The following LMX1B variants were observed in gnomAD, a reference collection of about 807,000 sequenced individuals.
LMX1B encodes LIM homeobox transcription factor 1-beta.
In LMX1B, 12 loss-of-function variants were observed where a neutral mutation model predicts 51.4. The ratio of observed to expected loss-of-function variants is 0.23; its 90% confidence interval spans 0.15 to 0.38. The LOEUF (loss-of-function observed/expected upper bound fraction) is 0.38. Among genes scored for constraint, LMX1B ranks in the 10% least tolerant of loss-of-function variants. The pLI, the probability that LMX1B is intolerant of heterozygous loss-of-function variation, is 1.00. For missense variants in LMX1B, 445 were observed against 571.1 expected (o/e 0.78, Z 2.25); for synonymous variants, 237 against 235.4 (o/e 1.01, Z -0.06).
At chr9:126,664,720 C>G (rs1189595893) in intron 2 of LMX1B, among the ~76,000 whole-genome samples, 3 of 152,076 alleles carry the variant, frequency 2.0e-5, no homozygotes, top group African/African-American at 7.2e-5. Flanking sequence ...CTAAAAAATA[C>G]AAAAATTAGC....
rs1835337388 is a variant in LMX1B, at chr9:126,618,104, A to G, written c.326+2535A>G. The stretch of plus-strand genomic sequence containing the variant: ...GCATATTTATTTCATCTGTGCGTAA[A>G]TGCTTTTCAGACAGGAATCCAAGCA... On this transcript the variant is annotated intron_variant, in intron 2 of 7. Transcript: ENST00000373474. This position sits in a 1 kb window ranked among gnomAD's most constrained non-coding sequence, Gnocchi z 4.5. Among the ~76,000 whole-genome samples the G allele has an allele frequency of 6.6e-6, 1 of 152,112 alleles. No homozygotes were observed.
chr9:126,672,138 C>A (rs1244935192), intron 2 of LMX1B, among the ~76,000 whole-genome samples: 1 of 152,266 alleles, frequency 6.6e-6, no homozygotes, highest in Non-Finnish European at 1.5e-5. Flanking sequence ...GGGTTCAAAT[C>A]CCTTGGGCCT....
At position 126,696,017 on chromosome 9, in the gene LMX1B, C is replaced by CCGGG. The variant is rs2118997675; in HGVS notation, c.1051+15_1051+16insGGGC. The CCGGG allele has an allele frequency of 1.3e-6, 2 of 1,497,322 alleles. No homozygotes were observed. The highest frequency in any genetic ancestry group is 1.3e-5 in the South Asian group (1 of 76,146). 92.8% of individuals were successfully genotyped at this position (1,497,322 alleles called of 1,614,324 possible). A position where few individuals can be genotyped will look rare whatever the true frequency, so the allele number is the denominator to read the frequency against. ...TGAACCCCTATGGTAAGCCGCCCTA[C>CCGGG]CCCCACCCGCCCGCCCCAGCACAGC... On this transcript the variant is annotated intron_variant, in intron 7 of 7. Transcript: ENST00000373474.
chr9:126,669,241 C>T (rs1019964363), intron 2 of LMX1B, among the ~76,000 whole-genome samples: 1 of 151,624 alleles, frequency 6.6e-6, no homozygotes, highest in Non-Finnish European at 1.5e-5. Flanking sequence ...GGCCTGGCCG[C>T]GAGGAGGGTG....
intron 2 of LMX1B, among the ~76,000 whole-genome samples, chr9:126,643,286 G>A (rs932111361): frequency 5.3e-5 from 8 of 152,136 alleles, no homozygotes; most frequent in African/African-American, 1.9e-4. Context: ...CAGGGCCTCT[G>A]TCTGCCCCTG....
rs932828308 is a variant in LMX1B at position 126,652,299 on chromosome 9, G to GGC, written c.326+36731_326+36732insCG. Among the ~76,000 whole-genome samples the GGC allele has an allele frequency of 5.3e-5, 8 of 150,612 alleles. No homozygotes were observed. In the East Asian group the frequency reaches 8.0e-4, roughly 15 times the overall value. On this transcript the variant is annotated intron_variant, in intron 2 of 7. Coordinates refer to ENST00000373474, the MANE Select transcript of LMX1B (RefSeq NM_001174147.2). ...CAGCAGGAGTCTGAGGAGGAGAAGG[G>GGC]GGGGGGGATTTTCTCTTTCTTCCCG...
intron 2 of LMX1B, among the ~76,000 whole-genome samples, chr9:126,631,571 T>G (rs1365691966): frequency 2.8e-5 from 4 of 144,260 alleles, no homozygotes; most frequent in Admixed American, 6.8e-5. Context: ...AGTGGGTGGG[T>G]GGGGTGAGGT....
chr9:126,682,047 C>T lies in LMX1B; in HGVS notation c.327-8789C>T, dbSNP rs1588299729. ...CCCCATCACTCATCTGCTCCAGCCACACCCCAGATACTTGCAGATACTTGG... is the reference window on the plus strand; with the variant it reads ...CCCCATCACTCATCTGCTCCAGCCATACCCCAGATACTTGCAGATACTTGG... On this transcript the variant is annotated intron_variant, in intron 2 of 7. Coordinates refer to ENST00000373474, the MANE Select transcript of LMX1B (RefSeq NM_001174147.2). Among the ~76,000 whole-genome samples, 2 of 143,832 alleles carry T rather than the reference C, an allele frequency of 1.4e-5. 1 individual carries two copies. The highest frequency in any genetic ancestry group is 4.5e-4 in the South Asian group (2 of 4,468). The allele number at this position is 143,832 out of a possible 152,430, so 94.4% of individuals were successfully genotyped here. A position where few individuals can be genotyped will look rare whatever the true frequency, so the allele number is the denominator to read the frequency against.
intron 2 of LMX1B, among the ~76,000 whole-genome samples, chr9:126,656,435 A>C (rs1233406982): frequency 6.8e-6 from 1 of 146,756 alleles, no homozygotes; most frequent in Non-Finnish European, 1.5e-5. Flanking sequence ...AGATAGATAG[A>C]TAGGATAGAT....
chr9:126,683,477 C>T (rs1039681342), intron 2 of LMX1B, among the ~76,000 whole-genome samples: 2 of 152,144 alleles, frequency 1.3e-5, no homozygotes, highest in Admixed American at 6.5e-5. Flanking sequence ...GGAGGCCGGG[C>T]GGCTCCCTCT....
At chr9:126,684,980 G>A (rs1038058090) in intron 2 of LMX1B, among the ~76,000 whole-genome samples, 2 of 152,150 alleles carry the variant, frequency 1.3e-5, no homozygotes, top group Non-Finnish European at 2.9e-5. Flanking sequence ...GTGCTAGCTG[G>A]CTGCCCATTT....
At chr9:126,637,946 C>T (rs1269582732) in intron 2 of LMX1B, among the ~76,000 whole-genome samples, 2 of 151,960 alleles carry the variant, frequency 1.3e-5, no homozygotes, top group East Asian at 3.9e-4. Flanking sequence ...CCCAGGGCCC[C>T]CTCCGACCAT....
At position 126,696,533 on chromosome 9, in the gene LMX1B, C is replaced by G; in HGVS notation, c.*82C>G. The G allele has an allele frequency of 1.3e-6, 2 of 1,508,170 alleles. No individual in the cohort carries two copies. Among genetic ancestry groups the G allele is most frequent in the Non-Finnish European group, 1.8e-6 (2 of 1,088,216 alleles). 93.4% of individuals were successfully genotyped at this position (1,508,170 alleles called of 1,614,324 possible). On this transcript the variant is annotated 3_prime_UTR_variant, in exon 8 of 8. Transcript: ENST00000373474. Reference sequence around the variant, plus strand: ...TGCGGCCAGCCTGGCCACCCCCGCCCTGCTCTCCGCACAGACTACAGACAG... The same window carrying G: ...TGCGGCCAGCCTGGCCACCCCCGCCGTGCTCTCCGCACAGACTACAGACAG...
intron 2 of LMX1B, among the ~76,000 whole-genome samples, chr9:126,637,822 TCCC>T (rs56108871): frequency 2.2e-5 from 2 of 91,994 alleles, no homozygotes; most frequent in Admixed American, 1.1e-4. Context: ...GTGCCTGTCC[TCCC>T]CCCCCCCCGC....
At chr9:126,628,637 G>C (rs530322461) in intron 2 of LMX1B, among the ~76,000 whole-genome samples, 1 of 152,352 alleles carries the variant, frequency 6.6e-6, no homozygotes, top group African/African-American at 2.4e-5. Flanking sequence ...CGCCTTGACT[G>C]ATAGTTGTTC....
intron 2 of LMX1B, among the ~76,000 whole-genome samples, chr9:126,631,772 G>A (rs4073436): frequency 0.05 from 7,547 of 152,210 alleles, 641 homozygotes; most frequent in East Asian, 0.41. Flanking sequence ...TAGGTTAGAG[G>A]CTTTAAATTC....
At chr9:126,650,016 C>T (rs1406549955) in intron 2 of LMX1B, among the ~76,000 whole-genome samples, 4 of 152,210 alleles carry the variant, frequency 2.6e-5, no homozygotes, top group Admixed American at 2.0e-4. Context: ...CCTGCTGTGC[C>T]TGCTGTTGAG....
rs1836502536 is a variant in LMX1B, at chr9:126,673,694, G to T, written c.327-17142G>T. Reference sequence around the variant, plus strand: ...CTAGGGGCCAGCACTGTGCTTCCTGGGCGCCTCACCTCCTCCCTGACTCCT... The same window carrying T: ...CTAGGGGCCAGCACTGTGCTTCCTGTGCGCCTCACCTCCTCCCTGACTCCT... On this transcript the variant is annotated intron_variant, in intron 2 of 7. Transcript: ENST00000373474. The surrounding 1 kb of genome is among the most constrained non-coding windows in gnomAD (Gnocchi z 4.4). 6.6e-6 allele frequency among the ~76,000 whole-genome samples: 1 copy of T among 152,078 alleles called. No homozygotes were observed. Among genetic ancestry groups the T allele is most frequent in the South Asian group, 2.1e-4 (1 of 4,828 alleles).
At chr9:126,678,324 AAAAAC>A (rs1836608780) in intron 2 of LMX1B, among the ~76,000 whole-genome samples, 1 of 121,678 alleles carries the variant, frequency 8.2e-6, no homozygotes, top group African/African-American at 3.4e-5. Flanking sequence ...AAAAAAAACA[AAAAAC>A]AAAAAAAAAA....
Sources: gnomAD v4.1 joint callset for allele counts (sites outside exome capture counted in the v4.1 genomes callset) on GRCh38, gnomAD v4.1.1 for gene constraint, Gnocchi (gnomAD v3.1) non-coding constraint, MANE v1.5 for transcripts, NCBI Gene and HGNC (gene_info 2026-07-23, HGNC 2026-07-21) for gene names.